Variants in NFATC2 observed in about 807,000 individuals in gnomAD.
The protein encoded by NFATC2 is nuclear factor of activated T-cells, cytoplasmic 2.
NFATC2 carries 22 observed loss-of-function variants against 87.3 expected under a neutral mutation model. The observed-to-expected ratio is 0.25, with a 90% CI of 0.18 to 0.36. The LOEUF is 0.36. NFATC2 is among the 10% of genes least tolerant of loss of function. NFATC2 has a pLI of 1.00. For missense variants in NFATC2, 1,149 were observed against 1,259.1 expected, an observed-to-expected ratio of 0.91 and a Z score of 1.32; for synonymous variants, 565 against 542.2, an observed-to-expected ratio of 1.04 and a Z score of -0.58.
intron 3 of NFATC2, among the ~76,000 whole-genome samples, chr20:51,483,163 A>C (rs778356036): frequency 1.4e-3 from 208 of 152,192 alleles, no homozygotes; most frequent in Non-Finnish European, 2.3e-3. Flanking sequence ...CCCCCATTAC[A>C]AACACTGCAA....
intron 6 of NFATC2, among the ~76,000 whole-genome samples, chr20:51,445,627 G>A (rs971865013): frequency 2.0e-5 from 3 of 152,092 alleles, no homozygotes; most frequent in Non-Finnish European, 2.9e-5. Context: ...AACTCCACAC[G>A]CTTTTCTCTC....
intron 1 of NFATC2, among the ~76,000 whole-genome samples, chr20:51,555,630 G>C (rs140363947): frequency 6.6e-6 from 1 of 150,656 alleles, no homozygotes; most frequent in Non-Finnish European, 1.5e-5. Context: ...CCTGTCCCAC[G>C]ATCTTGTCTC....
At chr20:51,430,563 G>A (rs1982556415) in intron 9 of NFATC2, among the ~76,000 whole-genome samples, 1 of 152,178 alleles carries the variant, frequency 6.6e-6, no homozygotes, top group Non-Finnish European at 1.5e-5. Context: ...TAAGGCACGT[G>A]GGGCAGGATG....
At position 51,432,515 on chromosome 20, in the gene NFATC2, C is replaced by A. The variant is rs768356558; in HGVS notation, c.2274G>T (p.Leu758=). The change falls in exon 9 of 11, where the codon CTG becomes CTT. Residue 758 remains leucine, a synonymous_variant. Coordinates refer to ENST00000371564, the MANE Select transcript of NFATC2 (RefSeq NM_012340.5). The surrounding 1 kb of genome is among the most constrained non-coding windows in gnomAD (Gnocchi z 4.6). ...AAVLYQRSKS[L]SPSLLGYQQP... is the part of the protein sequence containing the mutation. ...GCTGATAGCCCAGCAGGCTGGGGCT[C>A]AGGCTCTTGCTCCGCTGGTAGAGTA... 20 of 1,556,790 alleles carry A rather than the reference C, an allele frequency of 1.3e-5. No individual in the cohort carries two copies. Among genetic ancestry groups the A allele is most frequent in the Non-Finnish European group, 1.7e-5 (20 of 1,153,168 alleles).
chr20:51,400,822 G>C (rs1367917915), intron 9 of NFATC2, among the ~76,000 whole-genome samples: 1 of 152,166 alleles, frequency 6.6e-6, no homozygotes, highest in Non-Finnish European at 1.5e-5. Context: ...GAGAAAGATG[G>C]GGCGACTTGT....
chr20:51,433,637 A>C (rs1983100094), intron 8 of NFATC2, among the ~76,000 whole-genome samples: 1 of 152,028 alleles, frequency 6.6e-6, no homozygotes, highest in Non-Finnish European at 1.5e-5. Flanking sequence ...ATCCATACTA[A>C]AGCATTACCA....
At chr20:51,507,805 AC>A in intron 3 of NFATC2, among the ~76,000 whole-genome samples, 1 of 152,154 alleles carries the variant, frequency 6.6e-6, no homozygotes, top group Non-Finnish European at 1.5e-5. Context: ...GCTGGGGGTG[AC>A]CCCTGGCAAG....
At chr20:51,517,344 T>C (rs2076368209) in intron 2 of NFATC2, among the ~76,000 whole-genome samples, 1 of 151,946 alleles carries the variant, frequency 6.6e-6, no homozygotes, top group Non-Finnish European at 1.5e-5. Context: ...ATCTCAGCAC[T>C]TTGGGAAGAC....
At chr20:51,425,396 C>T (rs571538184) in intron 9 of NFATC2, among the ~76,000 whole-genome samples, 90 of 152,342 alleles carry the variant, frequency 5.9e-4, no homozygotes, top group African/African-American at 1.2e-4. Context: ...GCAAGGCCTA[C>T]GCTGAGATAC....
chr20:51,391,352 C>T lies in NFATC2; in HGVS notation c.*144G>A. ...AGAAGGTGAGGGGCTGTGGAGGGCT[C>T]CGAGGGGTCAGATACAGAAGGTGTC... On this transcript the variant is annotated 3_prime_UTR_variant, in exon 11 of 11. Coordinates refer to ENST00000371564, the MANE Select transcript of NFATC2 (RefSeq NM_012340.5). The T allele has an allele frequency of 6.2e-7, 1 of 1,603,140 alleles. No homozygotes were observed. The highest frequency in any genetic ancestry group is 8.5e-7 in the Non-Finnish European group (1 of 1,170,742).
chr20:51,468,060 A>G (rs1417016143), intron 5 of NFATC2, among the ~76,000 whole-genome samples: 2 of 152,260 alleles, frequency 1.3e-5, no homozygotes, highest in African/African-American at 4.8e-5. Context: ...AGCCAGACCC[A>G]GAAGGGTACA....
intron 9 of NFATC2, among the ~76,000 whole-genome samples, chr20:51,426,355 G>A (rs562526325): frequency 2.8e-4 from 43 of 152,226 alleles, no homozygotes; most frequent in African/African-American, 9.9e-4. Context: ...GCAGGCACCT[G>A]TAGTCCCAGC....
chr20:51,408,969 A>C (rs1978789624), intron 9 of NFATC2, among the ~76,000 whole-genome samples: 1 of 152,248 alleles, frequency 6.6e-6, no homozygotes, highest in African/African-American at 2.4e-5. Context: ...CTACACCCAG[A>C]AAACTCACAC....
At chr20:51,463,031 C>T (rs1419739186) in intron 5 of NFATC2, among the ~76,000 whole-genome samples, 5 of 152,252 alleles carry the variant, frequency 3.3e-5, no homozygotes, top group African/African-American at 7.2e-5. Flanking sequence ...CTGGCCTTGG[C>T]GCTCCAGCTG....
intron 6 of NFATC2, among the ~76,000 whole-genome samples, chr20:51,443,167 A>AC (rs11481110): frequency 0.39 from 59,262 of 150,848 alleles, 11,975 homozygotes; most frequent in African/African-American, 0.49. Context: ...GCTCAGGGAG[A>AC]CCCCCCCTTC....
intron 5 of NFATC2, among the ~76,000 whole-genome samples, chr20:51,463,309 G>A (rs1987342554): frequency 6.6e-6 from 1 of 152,212 alleles, no homozygotes; most frequent in Non-Finnish European, 1.5e-5. Context: ...GCAAGGGAGT[G>A]GGGTATGATG....
At chr20:51,400,339 C>T (rs1987874431) in intron 9 of NFATC2, among the ~76,000 whole-genome samples, 1 of 152,104 alleles carries the variant, frequency 6.6e-6, no homozygotes, top group Non-Finnish European at 1.5e-5. Flanking sequence ...GAAGTCACAC[C>T]CTTGGAGGAG....
intron 3 of NFATC2, among the ~76,000 whole-genome samples, chr20:51,486,974 C>T (rs759593591): frequency 6.6e-5 from 10 of 152,150 alleles, no homozygotes; most frequent in African/African-American, 9.7e-5. Flanking sequence ...ATTGAAAGCA[C>T]AGCAGCCTGG....
In NFATC2 at chr20:51,435,283, C is replaced by T. The variant is rs769925564; in HGVS notation, c.1937G>A (p.Arg646Gln). The T allele has an allele frequency of 8.2e-5, 133 of 1,613,970 alleles. No individual in the cohort carries two copies. The highest frequency in any genetic ancestry group is 1.8e-4 in the South Asian group (16 of 91,084). ...NMLFVEIPEY[R>Q]NKHIRTPVKV... Reference sequence around the variant, plus strand: ...TACAGGTGTGCGGATATGCTTGTTCCGATATTCAGGGATCTCAACAAAAAG... The same window carrying T: ...TACAGGTGTGCGGATATGCTTGTTCTGATATTCAGGGATCTCAACAAAAAG... The change falls in exon 8 of 11, where the codon CGG becomes CAG. Residue 646 changes from arginine (R) to glutamine (Q), a missense_variant. Coordinates refer to ENST00000371564, the MANE Select transcript of NFATC2 (RefSeq NM_012340.5).
Sources: gnomAD v4.1 joint callset for allele counts (sites outside exome capture counted in the v4.1 genomes callset) on GRCh38, gnomAD v4.1.1 for gene constraint, Gnocchi (gnomAD v3.1) non-coding constraint, MANE v1.5 for transcripts, NCBI Gene and HGNC (gene_info 2026-07-23, HGNC 2026-07-21) for gene names.